Variants in DENND1A observed in about 807,000 individuals in gnomAD.
DENND1A encodes the protein DENN domain-containing protein 1A.
In DENND1A, 51 loss-of-function variants were observed where a neutral mutation model predicts 113.7. That is an observed-to-expected ratio of 0.45 (90% confidence interval 0.36 to 0.57). DENND1A has a LOEUF of 0.57. DENND1A is among the 20% of genes least tolerant of loss of function. The probability of loss-of-function intolerance (pLI) is 0.00; values close to 1 mark genes in which losing one functional copy is unlikely to be tolerated. For missense variants in DENND1A, 1,258 were observed against 1,395.9 expected, an observed-to-expected ratio of 0.90 and a Z score of 1.57; for synonymous variants, 565 against 570.8, an observed-to-expected ratio of 0.99 and a Z score of 0.14.
intron 18 of DENND1A, 82 bp from the exon 19 acceptor site, chr9:123,440,573 C>G: frequency 6.9e-7 from 1 of 1,450,364 alleles, no homozygotes; most frequent in South Asian, 1.5e-5. Flanking sequence ...AAGAGGCCTG[C>G]CAGGCGACTC....
chr9:123,645,125 C>T (rs561568709), intron 9 of DENND1A, among the ~76,000 whole-genome samples: 2 of 152,130 alleles, frequency 1.3e-5, no homozygotes, highest in Non-Finnish European at 2.9e-5. Flanking sequence ...TTTTCTTATA[C>T]AGAATATCAC....
chr9:123,791,881 C>A (rs967464986), intron 3 of DENND1A, among the ~76,000 whole-genome samples: 2 of 151,972 alleles, frequency 1.3e-5, no homozygotes, highest in African/African-American at 4.8e-5. Flanking sequence ...TGTAAGGTGC[C>A]CCAAAAAAGC....
chr9:123,573,164 C>T (rs1490374104), intron 12 of DENND1A, among the ~76,000 whole-genome samples: 5 of 152,102 alleles, frequency 3.3e-5, no homozygotes, highest in Non-Finnish European at 5.9e-5. Flanking sequence ...TGTGTTTCTA[C>T]ACTGTCTTGA....
chr9:123,581,332 G>A lies in DENND1A; in HGVS notation c.867+1837C>T, dbSNP rs557043360. On this transcript the variant is annotated intron_variant, in intron 12 of 23. Coordinates refer to ENST00000394215, the MANE Select transcript of DENND1A (RefSeq NM_001352964.2). ...AATCTCACAGTGAGTTAGGTGGAGAGAAGTTTGAAATCCTGTTACGGCTGG... is the reference window on the plus strand; with the variant it reads ...AATCTCACAGTGAGTTAGGTGGAGAAAAGTTTGAAATCCTGTTACGGCTGG... 2.1e-4 allele frequency among the ~76,000 whole-genome samples: 32 copies of A among 152,294 alleles called. No homozygotes were observed. In the South Asian group the frequency reaches 6.6e-3, roughly 32 times the overall value.
intron 2 of DENND1A, among the ~76,000 whole-genome samples, chr9:123,848,185 G>C (rs1842866708): frequency 8.5e-6 from 1 of 117,780 alleles, no homozygotes; most frequent in Non-Finnish European, 1.6e-5. Context: ...CTGTTGATTT[G>C]TATGGGCATA....
At chr9:123,415,347 A>C (rs974838726) in intron 19 of DENND1A, among the ~76,000 whole-genome samples, 3 of 152,162 alleles carry the variant, frequency 2.0e-5, no homozygotes, top group Non-Finnish European at 4.4e-5. Context: ...GCTGGAGCAT[A>C]TGATGGGGAC....
chr9:123,570,620 C>T (rs964349030), intron 12 of DENND1A, among the ~76,000 whole-genome samples: 2 of 152,202 alleles, frequency 1.3e-5, no homozygotes, highest in African/African-American at 4.8e-5. Context: ...TTAATCACCT[C>T]CATACTCATT....
At chr9:123,515,865 G>C (rs2053848722) in intron 13 of DENND1A, among the ~76,000 whole-genome samples, 1 of 151,986 alleles carries the variant, frequency 6.6e-6, no homozygotes, top group South Asian at 2.1e-4. Flanking sequence ...CCAGGAGTTT[G>C]AGGCCAGTCT....
At chr9:123,905,209 G>A (rs980914836) in intron 1 of DENND1A, among the ~76,000 whole-genome samples, 83 of 152,036 alleles carry the variant, frequency 5.5e-4, no homozygotes, top group Non-Finnish European at 8.2e-4. Context: ...TGAAGGAAGT[G>A]CTAAACATGG....
intron 5 of DENND1A, among the ~76,000 whole-genome samples, chr9:123,738,188 G>A (rs776460740): frequency 7.2e-5 from 11 of 152,124 alleles, no homozygotes; most frequent in Non-Finnish European, 1.6e-4. Context: ...TTTGTTCGTT[G>A]CATACACAAA....
chr9:123,893,220 G>A (rs549588484), intron 1 of DENND1A, among the ~76,000 whole-genome samples: 1 of 152,158 alleles, frequency 6.6e-6, no homozygotes, highest in Admixed American at 6.5e-5. Context: ...GAACAGATCA[G>A]TTAAAGTCAA....
chr9:123,484,576 C>T (rs372898682), intron 13 of DENND1A, among the ~76,000 whole-genome samples: 4 of 152,170 alleles, frequency 2.6e-5, no homozygotes, highest in African/African-American at 4.8e-5. Flanking sequence ...GACCCTGCCC[C>T]GGCCCCTGCC....
intron 5 of DENND1A, among the ~76,000 whole-genome samples, chr9:123,711,520 T>TATATATATATATGTATATATGTATATAC (rs2066624064): frequency 9.0e-6 from 1 of 111,642 alleles, no homozygotes; most frequent in Non-Finnish European, 1.7e-5. Flanking sequence ...TATGTATATA[T>TATATATATATATGTATATATGTATATAC]ATATATATAT....
chr9:123,639,190 C>A (rs1340753963), intron 9 of DENND1A, among the ~76,000 whole-genome samples: 1 of 151,792 alleles, frequency 6.6e-6, no homozygotes, highest in Non-Finnish European at 1.5e-5. Context: ...GTAATACCAG[C>A]ACTTACGGAG....
At chr9:123,836,406 C>T (rs1412123860) in intron 2 of DENND1A, among the ~76,000 whole-genome samples, 1 of 152,108 alleles carries the variant, frequency 6.6e-6, no homozygotes, top group Non-Finnish European at 1.5e-5. Context: ...GTATTTTATT[C>T]ACCAGACTTG....
intron 21 of DENND1A, among the ~76,000 whole-genome samples, chr9:123,399,717 T>C (rs1355345399): frequency 6.6e-6 from 1 of 152,180 alleles, no homozygotes; most frequent in African/African-American, 2.4e-5. Flanking sequence ...GGCCATCATC[T>C]CATTTTAGGA....
chr9:123,817,233 C>T (rs1837643298), intron 2 of DENND1A, among the ~76,000 whole-genome samples: 1 of 152,162 alleles, frequency 6.6e-6, no homozygotes. Context: ...GAGATTATTA[C>T]CTTCCCTAGA....
chr9:123,516,933 T>TAAAAAAAAAAAAAA (rs2053981086), intron 13 of DENND1A, among the ~76,000 whole-genome samples: 1 of 116,436 alleles, frequency 8.6e-6, no homozygotes, highest in Non-Finnish European at 1.7e-5. Flanking sequence ...CGGACAATAG[T>TAAAAAAAAAAAAAA]AAAACATTTA....
At chr9:123,928,098 C>T (rs1158025205) in intron 1 of DENND1A, among the ~76,000 whole-genome samples, 1 of 152,210 alleles carries the variant, frequency 6.6e-6, no homozygotes, top group East Asian at 1.9e-4. Context: ...ACTCATTTCA[C>T]GCTTAATACA....
Sources: gnomAD v4.1 joint callset for allele counts (sites outside exome capture counted in the v4.1 genomes callset) on GRCh38, gnomAD v4.1.1 for gene constraint, MANE v1.5 for transcripts, NCBI Gene and HGNC (gene_info 2026-07-23, HGNC 2026-07-21) for gene names.